The following NECTIN2 variants were observed in gnomAD, a reference collection of about 807,000 sequenced individuals.
NECTIN2 encodes the protein nectin-2.
NECTIN2 carries 23 observed loss-of-function variants against 56.9 expected under a neutral mutation model. That is an observed-to-expected ratio of 0.40 (90% CI 0.29 to 0.57). The LOEUF is 0.57. Among genes scored for constraint, NECTIN2 ranks in the 20% least tolerant of loss-of-function variants. The pLI, the probability that NECTIN2 is intolerant of heterozygous loss-of-function variation, is 0.38. For synonymous variants in NECTIN2, 302 were observed against 313.8 expected (o/e 0.96, Z 0.40); for missense variants, 587 against 718.3 (o/e 0.82, Z 2.09).
chr19:44,878,312 G>T, intron 5 of NECTIN2: 1 of 1,485,908 alleles, frequency 6.7e-7, no homozygotes. Flanking sequence ...TCTGGCTGGG[G>T]GGTCCTTGGC....
intron 1 of NECTIN2, among the ~76,000 whole-genome samples, chr19:44,859,825 C>CAA (rs35459524): frequency 3.2e-5 from 4 of 124,286 alleles, no homozygotes; most frequent in Admixed American, 1.7e-4. Context: ...ACTCCGTCTC[C>CAA]AAAAAAAAAA....
Position 44,871,994 on chromosome 19 carries a change from C to G in NECTIN2, c.620C>G (p.Thr207Ser), listed in dbSNP as rs771603522. The stretch of plus-strand genomic sequence containing the variant: ...TCCCTGGACTGGGAAGCCAAAGAGA[C>G]TCAGGTGTCAGGGACCCTGGCCGGA... Reference protein sequence around the residue: ...LSSLDWEAKETQVSGTLAGTV... With the variant: ...LSSLDWEAKESQVSGTLAGTV... The change falls in exon 3 of 9, where the codon ACT becomes AGT. Residue 207 changes from threonine (T) to serine (S), a missense_variant. Physicochemically the swap from Thr to Ser is moderately conservative, Grantham distance 58. Transcript: ENST00000252483. 7 of 1,614,088 alleles carry G rather than the reference C, an allele frequency of 4.3e-6. No homozygotes were observed. The African/African-American group carries it at 9.3e-5, about 22-fold the overall frequency.
At chr19:44,854,022 AGGG>A (rs961686194) in intron 1 of NECTIN2, among the ~76,000 whole-genome samples, 7 of 152,152 alleles carry the variant, frequency 4.6e-5, no homozygotes, top group Admixed American at 4.6e-4. Context: ...GCAGTCAACC[AGGG>A]AGGGGAGAGG....
intron 2 of NECTIN2, among the ~76,000 whole-genome samples, chr19:44,870,777 T>C (rs1373337506): frequency 6.6e-6 from 1 of 151,000 alleles, no homozygotes; most frequent in African/African-American, 2.4e-5. Flanking sequence ...TCACCCAGGC[T>C]GGAGTGCAGT....
chr19:44,860,281 T>C (rs1012981941), intron 1 of NECTIN2, among the ~76,000 whole-genome samples: 1 of 152,078 alleles, frequency 6.6e-6, no homozygotes, highest in Non-Finnish European at 1.5e-5. Context: ...TCCGAACACT[T>C]TGGGAGGCCG....
intron 6 of NECTIN2, among the ~76,000 whole-genome samples, chr19:44,882,690 CAAAAAAA>C (rs35741405): frequency 2.1e-4 from 8 of 38,326 alleles, no homozygotes; most frequent in Admixed American, 7.7e-4. Flanking sequence ...CCCCCATCTA[CAAAAAAA>C]AAAAAAAAAA....
intron 5 of NECTIN2, among the ~76,000 whole-genome samples, chr19:44,880,636 T>G (rs1969298133): frequency 6.6e-6 from 1 of 150,378 alleles, no homozygotes; most frequent in African/African-American, 2.5e-5. Context: ...AGCCTTTTTT[T>G]TTTTAAGAAG....
intron 5 of NECTIN2, chr19:44,878,657 TCCCGCCCCCGA>T: frequency 2.5e-5 from 31 of 1,234,290 alleles, no homozygotes; most frequent in Non-Finnish European, 3.5e-5. Context: ...GGCCCGGCCC[TCCCGCCCCCGA>T]CCTGACCACG....
intron 1 of NECTIN2, among the ~76,000 whole-genome samples, chr19:44,860,048 C>T (rs1599912299): frequency 6.6e-6 from 1 of 152,136 alleles, no homozygotes; most frequent in Admixed American, 6.6e-5. Context: ...AGCGCCGACA[C>T]GTGTTACAGA....
At chr19:44,850,378 C>T (rs1161409764) in intron 1 of NECTIN2, among the ~76,000 whole-genome samples, 2 of 152,112 alleles carry the variant, frequency 1.3e-5, no homozygotes, top group Non-Finnish European at 2.9e-5. Flanking sequence ...GGCATGGTGA[C>T]TCATGCCTAT....
chr19:44,872,200 T>A (rs1568595165), intron 3 of NECTIN2, 51 bp downstream of exon 3: 2 of 1,580,168 alleles, frequency 1.3e-6, no homozygotes, highest in African/African-American at 1.3e-5. Context: ...CTACACTGGC[T>A]TCTCTAAAGC....
chr19:44,883,723 G>A (rs1969332108), intron 6 of NECTIN2, among the ~76,000 whole-genome samples: 1 of 152,188 alleles, frequency 6.6e-6, no homozygotes. Context: ...CTCCTCAGGA[G>A]GCTGGGGTGG....
chr19:44,861,252 G>A (rs1969029051), intron 1 of NECTIN2, among the ~76,000 whole-genome samples: 1 of 152,132 alleles, frequency 6.6e-6, no homozygotes, highest in Non-Finnish European at 1.5e-5. Context: ...ATTTCTCAAA[G>A]AACTAAAAAT....
chr19:44,877,419 C>G (rs919066885), intron 5 of NECTIN2, among the ~76,000 whole-genome samples: 1 of 152,192 alleles, frequency 6.6e-6, no homozygotes, highest in Admixed American at 6.5e-5. Context: ...CTCTCTCTCT[C>G]CGCCTCCCCA....
At chr19:44,860,909 T>C (rs1276011829) in intron 1 of NECTIN2, among the ~76,000 whole-genome samples, 1 of 151,004 alleles carries the variant, frequency 6.6e-6, no homozygotes. Context: ...ATACTTTAAA[T>C]GGGTGAATTG....
chr19:44,848,956 T>TG (rs1968869716), intron 1 of NECTIN2, among the ~76,000 whole-genome samples: 2 of 151,980 alleles, frequency 1.3e-5, no homozygotes, highest in Non-Finnish European at 2.9e-5. Context: ...CGTGTGTCCA[T>TG]GTCCGCCAGG....
intron 1 of NECTIN2, among the ~76,000 whole-genome samples, chr19:44,855,999 A>C (rs1160947435): frequency 2.0e-5 from 3 of 152,094 alleles, no homozygotes; most frequent in Non-Finnish European, 4.4e-5. Flanking sequence ...AATCCCTTCC[A>C]TTTTAAAATT....
rs142157990 is a variant in NECTIN2, at chr19:44,852,680, G to A, written c.88+6067G>A. Among the ~76,000 whole-genome samples the A allele has an allele frequency of 1.3e-3, 202 of 152,208 alleles. 6 individuals carry two copies. In the East Asian group the frequency reaches 0.037, roughly 28 times the overall value. On this transcript the variant is annotated intron_variant, in intron 1 of 8. Transcript: ENST00000252483. ...AGTCCTCCAGGTGGGAAGTGGCAGT[G>A]GATTAGACCAGGGCAGGGACTGGGG...
chr19:44,874,670 C>CAGACT lies in NECTIN2; in HGVS notation c.1042+192_1042+193insAGACT, dbSNP rs1969217169. On this transcript the variant is annotated intron_variant, in intron 5 of 8. Transcript: ENST00000252483. This position sits in a 1 kb window ranked among gnomAD's most constrained non-coding sequence, Gnocchi z 6.3. ...AGACTGGGGTCTGGATTTGGGGTGT[C>CAGACT]GGGGTAGGTGAAGGCAGCAGAGTTG... is the stretch of plus-strand genomic sequence containing the variant. 1.5e-6 allele frequency: 1 copy of CAGACT among 657,604 alleles called. No individual in the cohort carries two copies. The highest frequency in any genetic ancestry group is 2.6e-6 in the Non-Finnish European group (1 of 390,702). 40.7% of individuals were successfully genotyped at this position (657,604 alleles called of 1,614,324 possible). A position where few individuals can be genotyped will look rare whatever the true frequency, so the allele number is the denominator to read the frequency against.
Sources: allele counts gnomAD v4.1 joint callset (sites outside exome capture counted in the v4.1 genomes callset), GRCh38; gene constraint gnomAD v4.1.1; non-coding constraint Gnocchi (gnomAD v3.1); transcripts MANE v1.5; gene names NCBI Gene and HGNC (gene_info 2026-07-23, HGNC 2026-07-21).